Variants in MIPOL1 observed in about 807,000 individuals in gnomAD.
MIPOL1 encodes mirror-image polydactyly 1.
In MIPOL1, 57 loss-of-function variants were observed where a neutral mutation model predicts 60.9. The observed-to-expected ratio is 0.94, with a 90% CI of 0.76 to 1.17. The LOEUF (loss-of-function observed/expected upper bound fraction) is 1.17. Ranked by LOEUF, MIPOL1 falls within the 50% of genes most tolerant of loss-of-function variation. The pLI is 0.00. For synonymous variants in MIPOL1, 179 were observed against 168.8 expected, an observed-to-expected ratio of 1.06 and a Z score of -0.47; for missense variants, 551 against 511.6, an observed-to-expected ratio of 1.08 and a Z score of -0.74.
chr14:37,256,847 C>A (rs1374547983), intron 3 of MIPOL1, among the ~76,000 whole-genome samples: 1 of 151,836 alleles, frequency 6.6e-6, no homozygotes, highest in Non-Finnish European at 1.5e-5. Flanking sequence ...CTCTGCCCCT[C>A]CCCCAAGTCA....
At chr14:37,329,319 CT>C (rs1449947668) in intron 9 of MIPOL1, among the ~76,000 whole-genome samples, 1 of 151,942 alleles carries the variant, frequency 6.6e-6, no homozygotes, top group Non-Finnish European at 1.5e-5. Flanking sequence ...GTCTCTAAAG[CT>C]TTTGCTACAG....
At chr14:37,314,042 C>T (rs570612827) in intron 9 of MIPOL1, among the ~76,000 whole-genome samples, 2 of 152,142 alleles carry the variant, frequency 1.3e-5, no homozygotes, top group Non-Finnish European at 2.9e-5. Flanking sequence ...GAACTCATCA[C>T]TATTTTCTAG....
At chr14:37,277,122 C>T (rs1048605147) in intron 6 of MIPOL1, 1 of 151,094 alleles carries the variant, frequency 6.6e-6, no homozygotes, top group African/African-American at 2.4e-5. Flanking sequence ...TTGGGTTTAA[C>T]ATACAATGGA....
intron 9 of MIPOL1, among the ~76,000 whole-genome samples, chr14:37,361,135 A>G (rs1305809941): frequency 6.6e-6 from 1 of 152,132 alleles, no homozygotes; most frequent in Non-Finnish European, 1.5e-5. Flanking sequence ...GTTTTGAGTG[A>G]GTTTCTTAAT....
chr14:37,406,812 G>A (rs754658879), intron 10 of MIPOL1, among the ~76,000 whole-genome samples: 10 of 152,090 alleles, frequency 6.6e-5, no homozygotes, highest in Non-Finnish European at 1.2e-4. Context: ...ATTAAAAGTG[G>A]TAAATCTCAT....
At chr14:37,331,752 G>C (rs555844448) in intron 9 of MIPOL1, among the ~76,000 whole-genome samples, 1 of 151,880 alleles carries the variant, frequency 6.6e-6, no homozygotes, top group Non-Finnish European at 1.5e-5. Context: ...GTTCGAGTAT[G>C]CTTTATATCT....
chr14:37,477,020 C>A (rs558205946), intron 11 of MIPOL1, among the ~76,000 whole-genome samples: 2 of 151,480 alleles, frequency 1.3e-5, no homozygotes, highest in African/African-American at 4.8e-5. Context: ...CCTGCCTCAG[C>A]CTCCTGGGTA....
At chr14:37,333,953 G>A (rs1051634765) in intron 9 of MIPOL1, among the ~76,000 whole-genome samples, 2 of 148,462 alleles carry the variant, frequency 1.3e-5, no homozygotes, top group Non-Finnish European at 3.0e-5. Context: ...TTTAAAATAG[G>A]TCACAATAAA....
rs1226913104 is a variant in MIPOL1 at position 37,549,326 on chromosome 14, G to C, written c.*2355G>C. ...GCTAATACTAACATTTGTAGCACTT[G>C]ATGATTTACAAAGTCCTTTTACATC... On this transcript the variant is annotated 3_prime_UTR_variant, in exon 13 of 13. Coordinates refer to ENST00000684589, the MANE Select transcript of MIPOL1 (RefSeq NM_001388067.1). 6.6e-6 allele frequency: 1 copy of C among 151,784 alleles called. No individual in the cohort carries two copies. The highest frequency in any genetic ancestry group is 1.9e-4 in the East Asian group (1 of 5,194). 9.4% of individuals were successfully genotyped at this position (151,784 alleles called of 1,614,324 possible).
intron 7 of MIPOL1, among the ~76,000 whole-genome samples, chr14:37,305,943 C>T (rs1357938064): frequency 3.3e-5 from 5 of 151,758 alleles, no homozygotes; most frequent in East Asian, 1.9e-4. Context: ...ATTCACTTAT[C>T]GGCAAAATGA....
At chr14:37,485,314 C>T (rs991938077) in intron 11 of MIPOL1, among the ~76,000 whole-genome samples, 6 of 152,044 alleles carry the variant, frequency 3.9e-5, no homozygotes, top group African/African-American at 1.2e-4. Context: ...TGTCTTTATA[C>T]TGGAATGATT....
intron 7 of MIPOL1, among the ~76,000 whole-genome samples, chr14:37,302,307 A>G (rs189451848): frequency 1.3e-3 from 187 of 143,328 alleles, no homozygotes; most frequent in Non-Finnish European, 1.4e-3. Flanking sequence ...TAGACATTCT[A>G]ACAGGTGTGT....
intron 9 of MIPOL1, 41 bp from the exon 10 acceptor site, chr14:37,369,476 C>A: frequency 6.9e-7 from 1 of 1,444,356 alleles, no homozygotes; most frequent in Non-Finnish European, 9.7e-7. Context: ...AAAAAAAATG[C>A]TATAACTCCT....
chr14:37,248,072 C>T (rs1230379175), intron 3 of MIPOL1, among the ~76,000 whole-genome samples, 165 bp downstream of exon 3: 2 of 150,056 alleles, frequency 1.3e-5, no homozygotes, highest in Non-Finnish European at 3.0e-5. Context: ...GAAAGAGATA[C>T]AAAGAAAGAC....
At chr14:37,423,982 T>C (rs2093919200) in intron 11 of MIPOL1, among the ~76,000 whole-genome samples, 1 of 152,150 alleles carries the variant, frequency 6.6e-6, no homozygotes, top group East Asian at 1.9e-4. Context: ...AAAATACCAG[T>C]GATTTCTATG....
At chr14:37,333,954 T>C (rs890258272) in intron 9 of MIPOL1, among the ~76,000 whole-genome samples, 1 of 146,620 alleles carries the variant, frequency 6.8e-6, no homozygotes, top group African/African-American at 2.5e-5. Flanking sequence ...TTAAAATAGG[T>C]CACAATAAAT....
At chr14:37,269,350 T>A (rs1413290429) in intron 5 of MIPOL1, among the ~76,000 whole-genome samples, 4 of 152,166 alleles carry the variant, frequency 2.6e-5, no homozygotes, top group Non-Finnish European at 5.9e-5. Flanking sequence ...GATCATTAAA[T>A]AATTTTATTA....
At chr14:37,541,734 C>T (rs1019305797) in intron 12 of MIPOL1, among the ~76,000 whole-genome samples, 2 of 152,186 alleles carry the variant, frequency 1.3e-5, no homozygotes, top group African/African-American at 4.8e-5. Context: ...TCCACACCTA[C>T]AGAATTATCC....
At chr14:37,433,941 A>G (rs2094120489) in intron 11 of MIPOL1, among the ~76,000 whole-genome samples, 1 of 152,176 alleles carries the variant, frequency 6.6e-6, no homozygotes, top group Non-Finnish European at 1.5e-5. Flanking sequence ...ATTGATGGGC[A>G]TTTGGGTTGG....
Sources: gnomAD v4.1 joint callset for allele counts (sites outside exome capture counted in the v4.1 genomes callset) on GRCh38, gnomAD v4.1.1 for gene constraint, MANE v1.5 for transcripts, NCBI Gene and HGNC (gene_info 2026-07-23, HGNC 2026-07-21) for gene names.